Variants in DYM observed in about 807,000 individuals in gnomAD.
The protein encoded by DYM is dyggve-Melchior-Clausen syndrome protein.
A neutral mutation model predicts 93.1 loss-of-function variants in DYM; 78 were observed. That is an observed-to-expected ratio of 0.84 (90% CI 0.70 to 1.01). The LOEUF is 1.01. DYM is among the 50% of genes least tolerant of loss of function. The probability of loss-of-function intolerance (pLI) is 0.00; values close to 1 mark genes in which losing one functional copy is unlikely to be tolerated. For synonymous variants in DYM, 321 were observed against 319.7 expected, an observed-to-expected ratio of 1.00 and a Z score of -0.04; for missense variants, 789 against 845.0, an observed-to-expected ratio of 0.93 and a Z score of 0.82.
chr18:49,429,931 T>C (rs2074650495), intron 2 of DYM, among the ~76,000 whole-genome samples: 1 of 152,216 alleles, frequency 6.6e-6, no homozygotes, highest in African/African-American at 2.4e-5. Flanking sequence ...GACAGAACAG[T>C]ACGTGTAGTA....
chr18:49,350,424 T>C (rs28405670), intron 6 of DYM, among the ~76,000 whole-genome samples: 3,973 of 152,210 alleles, frequency 0.026, 165 homozygotes, highest in African/African-American at 0.089. Flanking sequence ...AAAAACACTT[T>C]TGGCTGAGCG....
rs1398274261 is a variant in DYM at position 49,363,252 on chromosome 18, A to C, written c.422-19T>G. 1 of 1,599,132 alleles carries C rather than the reference A, an allele frequency of 6.3e-7. No homozygotes were observed. The highest frequency in any genetic ancestry group is 1.7e-5 in the Admixed American group (1 of 59,502). On this transcript the variant is annotated intron_variant, in intron 5 of 17. Transcript: ENST00000675505. ...TCAGAACCTGGTAAGACACATAAAAAGATTTTTTTTTAACAAAGTACACAG... is the reference window on the plus strand; with the variant it reads ...TCAGAACCTGGTAAGACACATAAAACGATTTTTTTTTAACAAAGTACACAG...
intron 8 of DYM, among the ~76,000 whole-genome samples, chr18:49,302,812 G>C (rs2061025370): frequency 6.6e-6 from 1 of 152,160 alleles, no homozygotes; most frequent in African/African-American, 2.4e-5. Context: ...CATCCATGCT[G>C]TTCCAACTCT....
chr18:49,329,156 C>A (rs2063132925), intron 8 of DYM, among the ~76,000 whole-genome samples: 1 of 151,918 alleles, frequency 6.6e-6, no homozygotes, highest in Admixed American at 6.6e-5. Context: ...AAGCTGGAAA[C>A]CATCATTCTG....
intron 11 of DYM, among the ~76,000 whole-genome samples, chr18:49,266,013 A>G (rs1034723034): frequency 6.6e-6 from 1 of 152,002 alleles, no homozygotes; most frequent in Non-Finnish European, 1.5e-5. Context: ...AAAAATAATT[A>G]GCCAGGTGTG....
intron 16 of DYM, chr18:49,116,501 C>G (rs1568447040): frequency 1.3e-5 from 2 of 152,056 alleles, no homozygotes; most frequent in South Asian, 2.1e-4. Flanking sequence ...AAACAGCTAG[C>G]CTATAAAGTT....
intron 16 of DYM, among the ~76,000 whole-genome samples, chr18:49,106,962 G>T (rs2080877547): frequency 1.3e-5 from 2 of 152,312 alleles, no homozygotes; most frequent in South Asian, 2.1e-4. Context: ...TGCCTTGCTA[G>T]ATTGGGGAAG....
At chr18:49,445,813 T>A (rs1473869292) in intron 1 of DYM, among the ~76,000 whole-genome samples, 2 of 152,100 alleles carry the variant, frequency 1.3e-5, no homozygotes, top group Non-Finnish European at 2.9e-5. Flanking sequence ...TTCAAAGTAT[T>A]TGGTAAAAAT....
chr18:49,114,653 T>G, intron 16 of DYM: 1 of 863,230 alleles, frequency 1.2e-6, no homozygotes, highest in Non-Finnish European at 1.4e-6. Flanking sequence ...TCAGAGACTT[T>G]TTTTTTCTTT....
chr18:49,289,728 T>TG (rs2059925183), intron 8 of DYM, among the ~76,000 whole-genome samples: 1 of 4,822 alleles, frequency 2.1e-4, no homozygotes, highest in African/African-American at 4.4e-4. Flanking sequence ...TATATATGTG[T>TG]ATATATATAT....
At chr18:49,075,811 G>A (rs1399178872) in intron 17 of DYM, among the ~76,000 whole-genome samples, 2 of 152,196 alleles carry the variant, frequency 1.3e-5, no homozygotes, top group South Asian at 2.1e-4. Flanking sequence ...GTAGTGAAAC[G>A]AGTTTTATGA....
intron 1 of DYM, among the ~76,000 whole-genome samples, chr18:49,459,702 C>A (rs1307833105): frequency 6.6e-6 from 1 of 152,176 alleles, no homozygotes; most frequent in Admixed American, 6.5e-5. Context: ...CCCATCACTT[C>A]TCTACCCCTG....
chr18:49,124,465 T>C (rs1007326554), intron 15 of DYM, among the ~76,000 whole-genome samples: 2 of 148,746 alleles, frequency 1.3e-5, no homozygotes, highest in Non-Finnish European at 3.0e-5. Context: ...GCTATGATCA[T>C]GCCACTGCAC....
chr18:49,231,219 C>A (rs904609174), intron 13 of DYM, among the ~76,000 whole-genome samples: 1 of 152,126 alleles, frequency 6.6e-6, no homozygotes, highest in Non-Finnish European at 1.5e-5. Context: ...AGCAATGGAA[C>A]CCTTTCTTCC....
chr18:49,288,082 T>C (rs143910560), intron 8 of DYM, among the ~76,000 whole-genome samples: 27 of 152,288 alleles, frequency 1.8e-4, no homozygotes, highest in African/African-American at 6.5e-4. Flanking sequence ...CTGTTTCTTT[T>C]TACTTTTTGA....
chr18:49,200,707 AT>A (rs904213361), intron 14 of DYM, among the ~76,000 whole-genome samples: 1 of 152,098 alleles, frequency 6.6e-6, no homozygotes, highest in Non-Finnish European at 1.5e-5. Context: ...ATATTTCTTT[AT>A]AGAATCCACT....
intron 1 of DYM, among the ~76,000 whole-genome samples, 165 bp downstream of exon 1, chr18:49,460,233 G>A (rs957411908): frequency 1.3e-5 from 2 of 152,124 alleles, no homozygotes; most frequent in African/African-American, 2.4e-5. Flanking sequence ...CAGCCCCTCC[G>A]GGTGGCCCAG....
At chr18:49,062,939 C>T (rs2144681049) in intron 17 of DYM, among the ~76,000 whole-genome samples, 1 of 152,284 alleles carries the variant, frequency 6.6e-6, no homozygotes, top group South Asian at 2.1e-4. Flanking sequence ...GGCAATACCC[C>T]TTAATCTGTG....
intron 15 of DYM, among the ~76,000 whole-genome samples, chr18:49,137,614 T>C (rs757264733): frequency 1.3e-5 from 2 of 152,172 alleles, no homozygotes; most frequent in East Asian, 3.8e-4. Flanking sequence ...GGGTAGATAA[T>C]TTAGCATTGG....
Sources: allele counts gnomAD v4.1 joint callset (sites outside exome capture counted in the v4.1 genomes callset), GRCh38; gene constraint gnomAD v4.1.1; transcripts MANE v1.5; gene names NCBI Gene and HGNC (gene_info 2026-07-23, HGNC 2026-07-21).